Variants in SNRPN observed in about 807,000 individuals in gnomAD.
SNRPN encodes the protein small nuclear ribonucleoprotein-associated protein N.
A neutral mutation model predicts 25.2 loss-of-function variants in SNRPN; 7 were observed. The observed-to-expected ratio is 0.28, with a 90% CI of 0.16 to 0.52. The LOEUF (loss-of-function observed/expected upper bound fraction) is 0.52. SNRPN is among the 20% of genes least tolerant of loss of function. The pLI is 0.96. For missense variants in SNRPN, 196 were observed against 322.5 expected, an observed-to-expected ratio of 0.61 and a Z score of 3.00; for synonymous variants, 124 against 110.6, an observed-to-expected ratio of 1.12 and a Z score of -0.76.
chr15:24,972,150 G>A (rs751307198), intron 3 of SNRPN, among the ~76,000 whole-genome samples: 2 of 151,830 alleles, frequency 1.3e-5, no homozygotes, highest in East Asian at 1.9e-4. Context: ...TAGCTACTCA[G>A]GAGGCTGAGG....
intron 2 of SNRPN, among the ~76,000 whole-genome samples, chr15:24,841,439 C>T (rs757923537): frequency 4.2e-4 from 64 of 152,088 alleles, no homozygotes; most frequent in Non-Finnish European, 7.3e-4. Context: ...ATAAGCATCA[C>T]GGGCCACCAG....
At chr15:24,968,148 CTTAA>C (rs1250965973) in intron 3 of SNRPN, 66 bp downstream of exon 3, 15 of 930,436 alleles carry the variant, frequency 1.6e-5, no homozygotes, top group African/African-American at 3.3e-5. Context: ...TGGGGGTTCT[CTTAA>C]TTATCAGTGA....
intron 3 of SNRPN, among the ~76,000 whole-genome samples, chr15:24,944,911 G>T (rs549617342): frequency 6.6e-6 from 1 of 152,092 alleles, no homozygotes; most frequent in East Asian, 1.9e-4. Flanking sequence ...TTTTTCTTTG[G>T]TTTGTTTTCT....
At chr15:24,894,251 C>T (rs1448224975) in intron 2 of SNRPN, among the ~76,000 whole-genome samples, 2 of 151,868 alleles carry the variant, frequency 1.3e-5, no homozygotes, top group Non-Finnish European at 2.9e-5. Context: ...CGGAGTCTCG[C>T]TCTGTCGCCC....
At chr15:24,843,600 T>A (rs148960309) in intron 2 of SNRPN, among the ~76,000 whole-genome samples, 2,090 of 152,136 alleles carry the variant, frequency 0.014, 48 homozygotes, top group African/African-American at 0.048. Context: ...CTGGCCAACA[T>A]GGTGAAACCC....
chr15:24,826,128 G>T (rs1457175753), intron 1 of SNRPN, among the ~76,000 whole-genome samples: 1 of 152,004 alleles, frequency 6.6e-6, no homozygotes, highest in African/African-American at 2.4e-5. Context: ...ATGTCTTCTC[G>T]ATGTGTCCTT....
intron 3 of SNRPN, among the ~76,000 whole-genome samples, chr15:24,971,958 A>G (rs1262553464): frequency 6.6e-6 from 1 of 152,090 alleles, no homozygotes. Context: ...GCAGTGCTAT[A>G]AAAATGGATA....
chr15:24,858,584 C>T (rs2053656976), intron 1 of SNRPN, among the ~76,000 whole-genome samples: 1 of 151,678 alleles, frequency 6.6e-6, no homozygotes, highest in African/African-American at 2.4e-5. Flanking sequence ...ATCATAAGGC[C>T]AGGAGTTTGA....
intron 3 of SNRPN, among the ~76,000 whole-genome samples, chr15:24,947,509 G>A (rs149446447): frequency 0.019 from 2,894 of 152,232 alleles, 42 homozygotes; most frequent in Admixed American, 0.03. Context: ...TGCACCTGTA[G>A]TCCCAGCTGC....
At chr15:24,883,269 G>C (rs2056901300) in intron 1 of SNRPN, among the ~76,000 whole-genome samples, 1 of 152,254 alleles carries the variant, frequency 6.6e-6, no homozygotes, top group Non-Finnish European at 1.5e-5. Context: ...GCGGTGGGCA[G>C]TCTCTGCCAG....
At chr15:24,909,133 C>A in intron 2 of SNRPN, 2 of 1,349,544 alleles carry the variant, frequency 1.5e-6, no homozygotes, top group Non-Finnish European at 2.1e-6. Flanking sequence ...CTGGAGTTAC[C>A]CTGTTCTTTA....
intron 2 of SNRPN, among the ~76,000 whole-genome samples, chr15:24,897,090 T>G (rs1461005086): frequency 3.3e-5 from 5 of 151,892 alleles, no homozygotes; most frequent in Admixed American, 2.0e-4. Context: ...GAGGCAGAGG[T>G]TGCAGTGAGT....
intron 2 of SNRPN, among the ~76,000 whole-genome samples, chr15:24,897,827 A>C (rs2058174548): frequency 6.6e-6 from 1 of 152,126 alleles, no homozygotes. Context: ...CATGATGGTG[A>C]GGGCTTCCTA....
At chr15:24,973,119 C>T (rs2076638960) in intron 3 of SNRPN, among the ~76,000 whole-genome samples, 1 of 152,044 alleles carries the variant, frequency 6.6e-6, no homozygotes, top group South Asian at 2.1e-4. Flanking sequence ...GAATTCTTGA[C>T]CTCAGGTGAT....
chr15:24,955,193 G>A lies in SNRPN; in HGVS notation c.-391+131G>A, dbSNP rs1338577177. ...TTTGGGCCCTAAAGTCCTTTGTTCT[G>A]GAGAACCAGATCCGGAATGTTCAGA... On this transcript the variant is annotated intron_variant, in intron 1 of 9. Coordinates refer to ENST00000390687, the MANE Select transcript of SNRPN (RefSeq NM_003097.6). The A allele has an allele frequency of 1.0e-5, 13 of 1,247,042 alleles. 1 individual carries two copies. Among genetic ancestry groups the A allele is most frequent in the East Asian group, 5.0e-5 (2 of 40,304 alleles). The allele number at this position is 1,247,042 out of a possible 1,614,324, so 77.2% of individuals were successfully genotyped here.
chr15:24,863,328 C>G (rs1006138207), intron 1 of SNRPN, among the ~76,000 whole-genome samples: 5 of 150,712 alleles, frequency 3.3e-5, no homozygotes, highest in Non-Finnish European at 5.9e-5. Context: ...AGGGGGGTTC[C>G]CAGCTGCACA....
chr15:24,859,521 G>A (rs1412518135), intron 1 of SNRPN, among the ~76,000 whole-genome samples: 1 of 152,156 alleles, frequency 6.6e-6, no homozygotes, highest in African/African-American at 2.4e-5. Flanking sequence ...TGTTAAAGAT[G>A]TATAAGATGT....
chr15:24,918,876 CATATATATATAACATAATATATATATGT>C (rs2059814650), intron 2 of SNRPN, among the ~76,000 whole-genome samples: 2 of 110,716 alleles, frequency 1.8e-5, no homozygotes, highest in Admixed American at 1.1e-4. Flanking sequence ...TATATATGTG[CATATATATATAACATAATATATATATGT>C]GCACATATAT....
intron 3 of SNRPN, among the ~76,000 whole-genome samples, chr15:24,925,879 C>T (rs1007712276): frequency 2.6e-5 from 4 of 151,958 alleles, no homozygotes; most frequent in Admixed American, 6.6e-5. Flanking sequence ...GTAGCGGTAG[C>T]GCCCGCAACC....
Sources: allele counts gnomAD v4.1 joint callset (sites outside exome capture counted in the v4.1 genomes callset), GRCh38; gene constraint gnomAD v4.1.1; transcripts MANE v1.5; gene names NCBI Gene and HGNC (gene_info 2026-07-23, HGNC 2026-07-21).